The following ARID4A variants were observed in gnomAD, a reference collection of about 807,000 sequenced individuals.
ARID4A encodes AT-rich interaction domain 4A, also known as AT-rich interactive domain-containing protein 4A.
ARID4A carries 39 observed loss-of-function variants against 148.6 expected under a neutral mutation model. The ratio of observed to expected loss-of-function variants is 0.26; its 90% CI spans 0.20 to 0.34. ARID4A has a LOEUF of 0.34. Among genes scored for constraint, ARID4A ranks in the 10% least tolerant of loss-of-function variants. ARID4A has a pLI of 1.00. For synonymous variants in ARID4A, 475 were observed against 481.2 expected, an observed-to-expected ratio of 0.99 and a Z score of 0.17; for missense variants, 1,265 against 1,449.1, an observed-to-expected ratio of 0.87 and a Z score of 2.06.
chr14:58,301,754 G>A (rs1823657866), intron 3 of ARID4A, 64 bp downstream of exon 3: 2 of 1,224,076 alleles, frequency 1.6e-6, no homozygotes, highest in Admixed American at 4.0e-5. Context: ...GGGAGAGAGA[G>A]ACTGCAAATC....
chr14:58,320,800 G>A (rs2032834822), intron 7 of ARID4A, among the ~76,000 whole-genome samples: 1 of 151,954 alleles, frequency 6.6e-6, no homozygotes, highest in South Asian at 2.1e-4. Context: ...GTAGAGACGG[G>A]ATTTCACTGT....
At chr14:58,371,535 A>G (rs1057013471) in intron 23 of ARID4A, among the ~76,000 whole-genome samples, 11 of 152,170 alleles carry the variant, frequency 7.2e-5, no homozygotes, top group African/African-American at 2.2e-4. Context: ...CCCATAGATA[A>G]AGCAGAAATT....
intron 11 of ARID4A, among the ~76,000 whole-genome samples, chr14:58,336,895 C>CT (rs931607510): frequency 7.9e-4 from 116 of 146,428 alleles, no homozygotes; most frequent in East Asian, 3.6e-3. Flanking sequence ...TTTTTCTTTT[C>CT]TTTTTTTTTT....
intron 11 of ARID4A, among the ~76,000 whole-genome samples, chr14:58,339,267 G>T (rs2033990982): frequency 6.6e-6 from 1 of 151,954 alleles, no homozygotes; most frequent in Non-Finnish European, 1.5e-5. Flanking sequence ...AGGAGCCACT[G>T]AGCCTGACCA....
At chr14:58,324,909 C>T (rs1182296022) in intron 8 of ARID4A, among the ~76,000 whole-genome samples, 1 of 151,914 alleles carries the variant, frequency 6.6e-6, no homozygotes, top group Non-Finnish European at 1.5e-5. Context: ...CCTCAAGAAG[C>T]TTACTGTAGA....
At chr14:58,360,042 G>C (rs958090483) in intron 18 of ARID4A, among the ~76,000 whole-genome samples, 3 of 151,526 alleles carry the variant, frequency 2.0e-5, no homozygotes, top group African/African-American at 7.3e-5. Flanking sequence ...CTCCAGCCTG[G>C]GCGACAGAGC....
At chr14:58,321,317 A>G (rs923052795) in intron 7 of ARID4A, among the ~76,000 whole-genome samples, 2 of 152,156 alleles carry the variant, frequency 1.3e-5, no homozygotes, top group African/African-American at 2.4e-5. Flanking sequence ...TTCTTGCTAC[A>G]TTTTTTGGTT....
chr14:58,353,932 G>A, intron 17 of ARID4A, 77 bp downstream of exon 17: 3 of 1,293,688 alleles, frequency 2.3e-6, no homozygotes, highest in South Asian at 2.7e-5. Context: ...GTTATGAAGA[G>A]TGAAAGCAAA....
intron 8 of ARID4A, among the ~76,000 whole-genome samples, chr14:58,323,896 CTTTTTTTT>C (rs545318449): frequency 2.9e-5 from 3 of 104,178 alleles, no homozygotes; most frequent in Non-Finnish European, 6.1e-5. Flanking sequence ...CTTAGGTTCC[CTTTTTTTT>C]TTTTTTTTTT....
At chr14:58,335,861 C>T (rs1306472552) in intron 11 of ARID4A, among the ~76,000 whole-genome samples, 1 of 152,102 alleles carries the variant, frequency 6.6e-6, no homozygotes, top group African/African-American at 2.4e-5. Context: ...TTGCCCACTT[C>T]GTTTGGTTTC....
At chr14:58,354,923 ATTAGGACATGG>A (rs2034807504) in intron 17 of ARID4A, among the ~76,000 whole-genome samples, 1 of 152,182 alleles carries the variant, frequency 6.6e-6, no homozygotes. Flanking sequence ...TTCAGACACG[ATTAGGACATGG>A]TCTTGTTTCT....
rs1197859222 is a variant in ARID4A, at chr14:58,298,863, C to A, written c.-58+163C>A. On this transcript the variant is annotated intron_variant, in intron 1 of 23. Transcript: ENST00000355431. ...GCAAGGGAAGGGGCCAGCCATTGAC[C>A]AGCGGCAGCAACTGCAGGAACCGCC... 2.0e-5 allele frequency among the ~76,000 whole-genome samples: 3 copies of A among 152,196 alleles called. No individual in the cohort carries two copies. In the East Asian group the frequency reaches 5.8e-4, roughly 29 times the overall value.
chr14:58,343,285 A>C (rs1216774034), intron 11 of ARID4A, among the ~76,000 whole-genome samples: 1 of 152,190 alleles, frequency 6.6e-6, no homozygotes, highest in Non-Finnish European at 1.5e-5. Flanking sequence ...TATTTGGTAA[A>C]AGTATTTTAG....
rs57605969 is a variant in ARID4A at position 58,337,246 on chromosome 14, TTATATATATATA to T, written c.906+7088_906+7099del. Among the ~76,000 whole-genome samples the T allele has an allele frequency of 6.7e-3, 560 of 83,822 alleles. 33 individuals are homozygous for T. Among genetic ancestry groups the T allele is most frequent in the African/African-American group, 0.02 (471 of 24,124 alleles). 55.0% of individuals were successfully genotyped at this position (83,822 alleles called of 152,430 possible). A position where few individuals can be genotyped will look rare whatever the true frequency, so the allele number is the denominator to read the frequency against. On this transcript the variant is annotated intron_variant, in intron 11 of 23. Transcript: ENST00000355431. ...AAATCTCCTAGAACCTTCTCTTTAT[TTATATATATATA>T]TATATATATAATTAAAACCGAGGTT...
In ARID4A at chr14:58,344,697, T is replaced by C. The variant is rs1875630717; in HGVS notation, c.909T>C (p.Pro303=). 1 of 1,609,056 alleles carries C rather than the reference T, an allele frequency of 6.2e-7. No individual in the cohort carries two copies. The highest frequency in any genetic ancestry group is 1.3e-5 in the African/African-American group (1 of 74,756). The change falls in exon 12 of 24, where the codon CCT becomes CCC. Residue 303 remains proline, a splice_region_variant and synonymous_variant. Coordinates refer to ENST00000355431, the MANE Select transcript of ARID4A (RefSeq NM_002892.4). ...KEAKKTEEEV[P]EEELDPEERD... ...ATTTATATATTTTATCTTTACAGCC[T>C]GAGGAAGAACTTGATCCTGAAGAGA... is the stretch of plus-strand genomic sequence containing the variant.
chr14:58,334,345 C>A (rs1032013911), intron 11 of ARID4A, among the ~76,000 whole-genome samples: 2 of 152,096 alleles, frequency 1.3e-5, no homozygotes, highest in Non-Finnish European at 2.9e-5. Flanking sequence ...TGATAAAATA[C>A]AAGAATCATG....
chr14:58,351,463 T>TCATCTTCACAA, intron 16 of ARID4A, 140 bp downstream of exon 16: 1 of 1,147,320 alleles, frequency 8.7e-7, no homozygotes, highest in Non-Finnish European at 1.2e-6. Flanking sequence ...GTGAGACACA[T>TCATCTTCACAA]TGTGAAGATG....
intron 21 of ARID4A, 103 bp downstream of exon 21, chr14:58,365,725 T>C: frequency 2.9e-6 from 3 of 1,020,678 alleles, no homozygotes; most frequent in Non-Finnish European, 4.3e-6. Flanking sequence ...GTTTTATAAC[T>C]GCATTTTCAT....
chr14:58,300,367 A>ATATACT (rs10630359), intron 2 of ARID4A, among the ~76,000 whole-genome samples: 108,876 of 151,344 alleles, frequency 0.72, 39,634 homozygotes, highest in Middle Eastern at 0.87. Context: ...ATTTTAAAAC[A>ATATACT]TATACTAAAA....
Sources: gnomAD v4.1 joint callset for allele counts (sites outside exome capture counted in the v4.1 genomes callset) on GRCh38, gnomAD v4.1.1 for gene constraint, MANE v1.5 for transcripts, NCBI Gene and HGNC (gene_info 2026-07-23, HGNC 2026-07-21) for gene names.